The following LAMA5 variants were observed in gnomAD, a reference collection of about 807,000 sequenced individuals.
LAMA5 encodes laminin subunit alpha 5.
A neutral mutation model predicts 433.4 loss-of-function variants in LAMA5; 260 were observed. The ratio of observed to expected loss-of-function variants is 0.60; its 90% CI spans 0.54 to 0.66. The LOEUF (loss-of-function observed/expected upper bound fraction) is 0.66. Among genes scored for constraint, LAMA5 ranks in the 30% least tolerant of loss-of-function variants. The probability of loss-of-function intolerance (pLI) is 0.00; values close to 1 mark genes in which losing one functional copy is unlikely to be tolerated. For missense variants in LAMA5, 5,378 were observed against 5,258.5 expected, an observed-to-expected ratio of 1.02 and a Z score of -0.70; for synonymous variants, 2,620 against 2,226.6, an observed-to-expected ratio of 1.18 and a Z score of -4.97.
chr20:62,347,063 C>A, intron 6 of LAMA5, 35 bp from the exon 7 acceptor site: 1 of 1,556,458 alleles, frequency 6.4e-7, no homozygotes. Flanking sequence ...TCAGGCCCAT[C>A]CTGGAGGCAG....
At position 62,336,729 on chromosome 20, in the gene LAMA5, C is replaced by T; in HGVS notation, c.2217+5G>A. Reference sequence around the variant, plus strand: ...TCTCCCACACACGAGCAGACTTGGGCTCACCTCAGGAAGGGCAGGATCCAC... The same window carrying T: ...TCTCCCACACACGAGCAGACTTGGGTTCACCTCAGGAAGGGCAGGATCCAC... On this transcript the variant is annotated splice_donor_5th_base_variant and intron_variant, in intron 17 of 79. Coordinates refer to ENST00000252999, the MANE Select transcript of LAMA5 (RefSeq NM_005560.6). 1 of 1,613,034 alleles carries T rather than the reference C, an allele frequency of 6.2e-7. No individual in the cohort carries two copies. The highest frequency in any genetic ancestry group is 8.5e-7 in the Non-Finnish European group (1 of 1,179,954).
Position 62,367,180 on chromosome 20 carries a change from C to T in LAMA5, c.66G>A (p.Leu22=), listed in dbSNP as rs1212246543. The change falls in exon 1 of 80, where the codon CTG becomes CTA. Residue 22 remains leucine, a synonymous_variant. Transcript: ENST00000252999. ...CVRGPRGPAP[L]LLVGLALLGA... ...CCAGCAGCGCCAGCCCGACCAGCAGCAGCGGCGCGGGGCCCCGGGGGCCGC... is the reference window on the plus strand; with the variant it reads ...CCAGCAGCGCCAGCCCGACCAGCAGTAGCGGCGCGGGGCCCCGGGGGCCGC... 5.7e-6 allele frequency: 7 copies of T among 1,234,270 alleles called. No individual in the cohort carries two copies. The highest frequency in any genetic ancestry group is 7.1e-6 in the Non-Finnish European group (7 of 991,564). 76.5% of individuals were successfully genotyped at this position (1,234,270 alleles called of 1,614,324 possible).
In LAMA5 at chr20:62,337,645, C is replaced by T. The variant is rs143941434; in HGVS notation, c.2109G>A (p.Thr703=). ...GCACACATGTGTCACACCGCAGCCC[C>T]GTCACACGGGGCCGGCAGCTGCACT... is the stretch of plus-strand genomic sequence containing the variant. The part of the protein sequence containing the change: ...SGQCSCRPRV[T]GLRCDTCVPG... Residue 703 remains threonine, a synonymous_variant, in exon 16 of 80, where the codon ACG becomes ACA. Transcript: ENST00000252999. The T allele has an allele frequency of 1.0e-3, 1,685 of 1,612,212 alleles. 5 individuals are homozygous for T. The highest frequency in any genetic ancestry group is 3.8e-3 in the South Asian group (347 of 91,070).
chr20:62,346,204 C>A lies in LAMA5; in HGVS notation c.1294G>T (p.Glu432Ter). Residue 432 changes from glutamate to a stop codon, truncating the protein, a stop_gained, in exon 10 of 80, where the codon GAG becomes TAG. Coordinates refer to ENST00000252999, the MANE Select transcript of LAMA5 (RefSeq NM_005560.6). LOFTEE classifies it high-confidence loss of function. ...SPHVCRRCNC[E>*]SDFTDGTCED... ...CAGGTGCCATCCGTGAAGTCGGACT[C>A]GCAGTTGCAGCCTGGGCAGGGGCAG... 1 of 1,611,660 alleles carries A rather than the reference C, an allele frequency of 6.2e-7. No individual in the cohort carries two copies. The highest frequency in any genetic ancestry group is 8.5e-7 in the Non-Finnish European group (1 of 1,179,436).
At chr20:62,362,642 T>G (rs1411396235) in intron 1 of LAMA5, 90 bp from the exon 2 acceptor site, 49 of 1,203,334 alleles carry the variant, frequency 4.1e-5, no homozygotes, top group Non-Finnish European at 5.2e-5. Context: ...AGACAAGTCC[T>G]GGTCCCACTG....
chr20:62,340,092 C>A (rs543236223), intron 11 of LAMA5, among the ~76,000 whole-genome samples: 1 of 152,008 alleles, frequency 6.6e-6, no homozygotes, highest in African/African-American at 2.4e-5. Context: ...TGTCACCCAA[C>A]GGGCAGCAGA....
At chr20:62,323,035 G>A (rs1163711371) in intron 45 of LAMA5, among the ~76,000 whole-genome samples, 1 of 147,468 alleles carries the variant, frequency 6.8e-6, no homozygotes, top group African/African-American at 2.5e-5. Context: ...CTAACCATGA[G>A]GGGGGACTGA....
At chr20:62,337,752 A>G (rs760778566) in intron 15 of LAMA5, 25 bp from the exon 16 acceptor site, 1 of 1,607,754 alleles carries the variant, frequency 6.2e-7, no homozygotes, top group South Asian at 1.1e-5. Flanking sequence ...AGCTGTGGGC[A>G]CGCAGTGGAG....
chr20:62,318,341 G>A, intron 53 of LAMA5, 113 bp downstream of exon 53: 1 of 389,920 alleles, frequency 2.6e-6, no homozygotes, highest in Non-Finnish European at 4.6e-6. Flanking sequence ...AGGGAGGGGA[G>A]GACGGAGGGA....
intron 18 of LAMA5, among the ~76,000 whole-genome samples, chr20:62,335,734 C>T (rs548587654): frequency 2.8e-4 from 41 of 147,978 alleles, no homozygotes; most frequent in South Asian, 6.4e-4. Flanking sequence ...TCCAGCACCC[C>T]GAGGAAACCC....
At chr20:62,311,122 G>A (rs371865593) in intron 73 of LAMA5, 28 bp from the exon 74 acceptor site, 56 of 1,563,584 alleles carry the variant, frequency 3.6e-5, no homozygotes, top group East Asian at 6.8e-5. Context: ...GTCAGCCTGC[G>A]CGGCCCCTCT....
chr20:62,320,925 T>A, intron 48 of LAMA5, 35 bp from the exon 49 acceptor site: 1 of 1,590,426 alleles, frequency 6.3e-7, no homozygotes, highest in Non-Finnish European at 8.6e-7. Flanking sequence ...TCAGTGTCAT[T>A]GGGTCAGGCC....
chr20:62,321,444 CA>C (rs1601315501), intron 48 of LAMA5, among the ~76,000 whole-genome samples: 2 of 796 alleles, frequency 2.5e-3, no homozygotes, highest in East Asian at 0.1. Flanking sequence ...GTAGGGCCAG[CA>C]GAGGGGTAGG....
rs895372826 is a variant in LAMA5 at position 62,309,384 on chromosome 20, A to G, written c.11040T>C (p.Ser3680=). The change falls in exon 80 of 80, where the codon TCT becomes TCC. Residue 3680 remains serine, a synonymous_variant. Transcript: ENST00000252999. ...VNRSPVAMTR[S]VEVHGAVGAS... ...CCCCCACTGCCCCGTGGACCTCCAC[A>G]GAGCGAGTCATGGCGACGGGGGACC... is the stretch of plus-strand genomic sequence containing the variant. 3 of 1,590,478 alleles carry G rather than the reference A, an allele frequency of 1.9e-6. No individual in the cohort carries two copies. Among genetic ancestry groups the G allele is most frequent in the Non-Finnish European group, 2.5e-6 (3 of 1,176,694 alleles).
intron 40 of LAMA5, 73 bp from the exon 41 acceptor site, chr20:62,325,619 C>A: frequency 9.7e-7 from 1 of 1,033,230 alleles, no homozygotes; most frequent in East Asian, 2.5e-5. Flanking sequence ...AACAGACCCC[C>A]CAACCCTGTA....
At chr20:62,334,700 G>T in intron 20 of LAMA5, 79 bp from the exon 21 acceptor site, 1 of 1,142,604 alleles carries the variant, frequency 8.8e-7, no homozygotes, top group Non-Finnish European at 1.2e-6. Flanking sequence ...AGACTGAGAA[G>T]CCTGCCTGGG....
intron 21 of LAMA5, 85 bp from the exon 22 acceptor site, chr20:62,334,427 G>A: frequency 6.6e-7 from 1 of 1,513,986 alleles, no homozygotes; most frequent in Non-Finnish European, 8.9e-7. Context: ...GGGAGGGTGA[G>A]GCCTCACGTG....
At chr20:62,319,653 G>T in intron 51 of LAMA5, 31 bp downstream of exon 51, 1 of 1,486,732 alleles carries the variant, frequency 6.7e-7, no homozygotes, top group Non-Finnish European at 9.1e-7. Context: ...TCCTGGCTCT[G>T]AGCCCTGAGC....
intron 40 of LAMA5, 83 bp from the exon 41 acceptor site, chr20:62,325,629 A>AC: frequency 1.2e-6 from 1 of 844,704 alleles, no homozygotes; most frequent in Non-Finnish European, 1.8e-6. Context: ...CCAACCCTGT[A>AC]GGGGATGGAG....
Sources: gnomAD v4.1 joint callset for allele counts (sites outside exome capture counted in the v4.1 genomes callset) on GRCh38, gnomAD v4.1.1 for gene constraint, MANE v1.5 for transcripts, NCBI Gene and HGNC (gene_info 2026-07-23, HGNC 2026-07-21) for gene names.